DAG1: variants seen among roughly 807,000 people sequenced by gnomAD.
DAG1 encodes dystroglycan 1 (dystrophin-associated glycoprotein 1).
In DAG1, 8 loss-of-function variants were observed where a neutral mutation model predicts 46.1. The observed-to-expected ratio is 0.17, with a 90% CI of 0.10 to 0.31. DAG1 has a LOEUF of 0.31. Ranked by LOEUF, DAG1 falls within the 10% of genes least tolerant of loss-of-function variation. DAG1 has a pLI of 1.00. For synonymous variants in DAG1, 495 were observed against 481.8 expected, an observed-to-expected ratio of 1.03 and a Z score of -0.36; for missense variants, 1,003 against 1,189.9, an observed-to-expected ratio of 0.84 and a Z score of 2.31.
chr3:49,498,898 CAG>C (rs1428613007), intron 1 of DAG1, among the ~76,000 whole-genome samples: 1 of 151,926 alleles, frequency 6.6e-6, no homozygotes, highest in Non-Finnish European at 1.5e-5. Flanking sequence ...TTTGTAGAAA[CAG>C]GGTTTTGCCA....
chr3:49,486,459 C>T (rs983992242), intron 1 of DAG1, among the ~76,000 whole-genome samples: 1 of 151,554 alleles, frequency 6.6e-6, no homozygotes, highest in Non-Finnish European at 1.5e-5. Flanking sequence ...ACCTTGTGAT[C>T]CTCCTGCCTC....
At chr3:49,523,807 AT>A (rs1330251428) in intron 2 of DAG1, among the ~76,000 whole-genome samples, 6 of 152,084 alleles carry the variant, frequency 3.9e-5, no homozygotes, top group African/African-American at 1.4e-4. Flanking sequence ...TGGCACTATA[AT>A]CATATGAGGT....
Position 49,532,504 on chromosome 3 carries a change from C to T in DAG1, c.1993C>T (p.Pro665Ser), listed in dbSNP as rs759843104. 12 of 1,614,218 alleles carry T rather than the reference C, an allele frequency of 7.4e-6. No individual in the cohort carries two copies. Among genetic ancestry groups the T allele is most frequent in the Non-Finnish European group, 1.0e-5 (12 of 1,180,040 alleles). Residue 665 changes from proline (P) to serine (S), a missense_variant, in exon 3 of 3, where the codon CCC becomes TCC. This residue lies in a region of DAG1 where 755 missense variants were observed against 854.1 expected (regional missense o/e 0.88). Coordinates refer to ENST00000308775, the MANE Select transcript of DAG1 (RefSeq NM_004393.6). The surrounding 1 kb of genome is among the most constrained non-coding windows in gnomAD (Gnocchi z 5.4). ...IVVEWTNNTL[P>S]LEPCPKEQIA... ...GGTGGAATGGACCAACAACACACTGCCCTTGGAGCCCTGCCCCAAGGAGCA... is the reference window on the plus strand; with the variant it reads ...GGTGGAATGGACCAACAACACACTGTCCTTGGAGCCCTGCCCCAAGGAGCA...
At chr3:49,525,937 G>A (rs1349799849) in intron 2 of DAG1, among the ~76,000 whole-genome samples, 2 of 149,964 alleles carry the variant, frequency 1.3e-5, no homozygotes, top group East Asian at 2.0e-4. Flanking sequence ...TTCAACCTCC[G>A]CCCTCTGGGT....
At chr3:49,510,388 A>T in intron 1 of DAG1, 31 bp from the exon 2 acceptor site, 1 of 788,664 alleles carries the variant, frequency 1.3e-6, no homozygotes, top group Non-Finnish European at 2.1e-6. Flanking sequence ...GGAATTGCTC[A>T]AGTCTAAACC....
intron 2 of DAG1, among the ~76,000 whole-genome samples, chr3:49,511,714 A>G (rs556715091): frequency 1.3e-5 from 2 of 152,264 alleles, no homozygotes; most frequent in East Asian, 1.9e-4. Flanking sequence ...GGGTTTTGTC[A>G]TGTTGCTCAA....
At chr3:49,486,189 TATTTATTTA>T (rs2050020672) in intron 1 of DAG1, among the ~76,000 whole-genome samples, 1 of 75,314 alleles carries the variant, frequency 1.3e-5, no homozygotes. Context: ...CTTTTTCTTT[TATTTATTTA>T]TTTATTTATT....
rs2049643064 is a variant in DAG1 at position 49,475,121 on chromosome 3, T to A, written c.-117+4688T>A. ...GCCACCGTGCCCGGTTTTTTTTTTT[T>A]AAGATGGAGTTTCGCTTTTGTTACC... On this transcript the variant is annotated intron_variant, in intron 1 of 2. Transcript: ENST00000308775. Among the ~76,000 whole-genome samples, 3 of 151,042 alleles carry A rather than the reference T, an allele frequency of 2.0e-5. No homozygotes were observed. In the Admixed American group the frequency reaches 2.0e-4, roughly 10 times the overall value.
At chr3:49,519,222 C>T (rs1184633238) in intron 2 of DAG1, among the ~76,000 whole-genome samples, 4 of 152,172 alleles carry the variant, frequency 2.6e-5, no homozygotes, top group South Asian at 4.1e-4. Context: ...AACCTCTCCT[C>T]GAAGGTGGTC....
intron 1 of DAG1, among the ~76,000 whole-genome samples, chr3:49,484,079 T>C (rs933988217): frequency 6.6e-6 from 1 of 152,212 alleles, no homozygotes; most frequent in Non-Finnish European, 1.5e-5. Flanking sequence ...ATAGAATTCA[T>C]TAAAGTCACA....
chr3:49,504,200 A>G (rs2050533051), intron 1 of DAG1, among the ~76,000 whole-genome samples: 1 of 151,846 alleles, frequency 6.6e-6, no homozygotes. Flanking sequence ...TGTTTCTATA[A>G]TTTTGTCATT....
chr3:49,473,277 G>A (rs929978415), intron 1 of DAG1, among the ~76,000 whole-genome samples: 8 of 147,038 alleles, frequency 5.4e-5, no homozygotes, highest in African/African-American at 2.0e-4. Context: ...TAGCCAGGTG[G>A]GGTGGCGGGC....
intron 1 of DAG1, among the ~76,000 whole-genome samples, chr3:49,495,248 T>C (rs559109954): frequency 6.6e-6 from 1 of 152,318 alleles, no homozygotes; most frequent in Non-Finnish European, 1.5e-5. Context: ...TCAGTTTCTA[T>C]TAGAGTAAGC....
intron 1 of DAG1, among the ~76,000 whole-genome samples, chr3:49,496,414 G>A (rs1477477202): frequency 7.1e-6 from 1 of 139,954 alleles, no homozygotes; most frequent in Non-Finnish European, 1.5e-5. Flanking sequence ...CTGGAGTGCA[G>A]TGGCGCGATC....
intron 1 of DAG1, among the ~76,000 whole-genome samples, chr3:49,476,554 G>A (rs184920092): frequency 1.3e-5 from 2 of 152,140 alleles, no homozygotes; most frequent in Non-Finnish European, 2.9e-5. Context: ...TTGAGGTTTT[G>A]CAGTGTTGAG....
intron 1 of DAG1, among the ~76,000 whole-genome samples, chr3:49,502,144 G>A (rs1041972200): frequency 6.6e-6 from 1 of 152,146 alleles, no homozygotes. Flanking sequence ...TCCAGCCTGG[G>A]TGACCAAAAA....
At chr3:49,511,366 T>C (rs921857743) in intron 2 of DAG1, among the ~76,000 whole-genome samples, 14 of 152,132 alleles carry the variant, frequency 9.2e-5, no homozygotes, top group Non-Finnish European at 2.9e-5. Context: ...AAGAGTGTCT[T>C]GGTTGACCCA....
chr3:49,500,385 T>C (rs551935609), intron 1 of DAG1, among the ~76,000 whole-genome samples: 18 of 152,128 alleles, frequency 1.2e-4, no homozygotes, highest in Non-Finnish European at 2.5e-4. Flanking sequence ...TGCCTGGTCA[T>C]TGGCAGATGC....
Position 49,532,557 on chromosome 3 carries a change from T to C in DAG1, c.2046T>C (p.Ala682=). ...TCGCTGGGCTGAGCCGCCGGATCGC[T>C]GAGGATGATGGAAAACCTCGGCCTG... The part of the protein sequence containing the change: ...EQIAGLSRRI[A]EDDGKPRPAF... Residue 682 remains alanine, a synonymous_variant, in exon 3 of 3, where the codon GCT becomes GCC. Transcript: ENST00000308775. The surrounding 1 kb of genome is among the most constrained non-coding windows in gnomAD (Gnocchi z 5.4). The C allele has an allele frequency of 6.2e-7, 1 of 1,613,076 alleles. No homozygotes were observed. Among genetic ancestry groups the C allele is most frequent in the South Asian group, 1.1e-5 (1 of 91,078 alleles).
Sources: allele counts gnomAD v4.1 joint callset (sites outside exome capture counted in the v4.1 genomes callset), GRCh38; gene constraint gnomAD v4.1.1; regional missense constraint gnomAD v4.1.1; non-coding constraint Gnocchi (gnomAD v3.1); transcripts MANE v1.5; gene names NCBI Gene and HGNC (gene_info 2026-07-23, HGNC 2026-07-21).